Variants in SMC5 observed in about 807,000 individuals in gnomAD.
SMC5 encodes structural maintenance of chromosomes 5, also known as structural maintenance of chromosomes protein 5.
A neutral mutation model predicts 148.3 loss-of-function variants in SMC5; 88 were observed. The ratio of observed to expected loss-of-function variants is 0.59; its 90% CI spans 0.50 to 0.71. The LOEUF is 0.71. Among genes scored for constraint, SMC5 ranks in the 30% least tolerant of loss-of-function variants. The pLI, the probability that SMC5 is intolerant of heterozygous loss-of-function variation, is 0.00. For synonymous variants in SMC5, 421 were observed against 432.8 expected (o/e 0.97, Z 0.34); for missense variants, 1,142 against 1,298.9 (o/e 0.88, Z 1.86).
intron 11 of SMC5, among the ~76,000 whole-genome samples, chr9:70,307,615 G>C (rs1380316886): frequency 1.3e-5 from 2 of 151,958 alleles, no homozygotes; most frequent in African/African-American, 4.8e-5. Context: ...CAATTCCCCT[G>C]CCTCAGCTTC....
chr9:70,341,277 GTCTT>G (rs1425419755), intron 17 of SMC5, among the ~76,000 whole-genome samples: 2 of 152,114 alleles, frequency 1.3e-5, no homozygotes, highest in African/African-American at 2.4e-5. Flanking sequence ...ATGAGGTTTT[GTCTT>G]TCTAAGTCCA....
chr9:70,278,560 C>T lies in SMC5; in HGVS notation c.613C>T (p.Pro205Ser). Residue 205 changes from proline to serine, a missense_variant, in exon 5 of 25, where the codon CCC becomes TCC. Pro to Ser is a moderately conservative substitution (Grantham distance 74, BLOSUM62 -1). Around this residue, in one of 5 missense-constraint regions of SMC5, gnomAD observed 297 missense variants for 302.6 expected, o/e 0.98. Coordinates refer to ENST00000361138, the MANE Select transcript of SMC5 (RefSeq NM_015110.4). ...CGAAGCCACTGAAAAGTCAATTGGT[C>T]CCCCAGAAATGCACAAATATCACTG... Reference protein sequence around the residue: ...LLEATEKSIGPPEMHKYHCEL... With the variant: ...LLEATEKSIGSPEMHKYHCEL... 1.9e-6 allele frequency: 3 copies of T among 1,611,180 alleles called. No homozygotes were observed. Among genetic ancestry groups the T allele is most frequent in the Non-Finnish European group, 2.5e-6 (3 of 1,178,874 alleles).
In SMC5 at chr9:70,339,954, A is replaced by G. The variant is rs886260663; in HGVS notation, c.2398-4190A>G. Among the ~76,000 whole-genome samples the G allele has an allele frequency of 4.6e-5, 7 of 151,784 alleles. 1 individual carries two copies. The highest frequency in any genetic ancestry group is 8.8e-5 in the Non-Finnish European group (6 of 67,962). On this transcript the variant is annotated intron_variant, in intron 17 of 24. Coordinates refer to ENST00000361138, the MANE Select transcript of SMC5 (RefSeq NM_015110.4). ...CAGAGGTCGATAAAAATTTCTTGTT[A>G]TTTCGTTTTTGACCATGGGCAGGTT...
At chr9:70,271,694 T>G (rs1252713663) in intron 3 of SMC5, among the ~76,000 whole-genome samples, 1 of 152,130 alleles carries the variant, frequency 6.6e-6, no homozygotes, top group Non-Finnish European at 1.5e-5. Flanking sequence ...TTTTACAGTT[T>G]TAAATAACCT....
intron 15 of SMC5, among the ~76,000 whole-genome samples, chr9:70,319,855 A>G (rs752533924): frequency 2.0e-4 from 31 of 152,240 alleles, no homozygotes; most frequent in Non-Finnish European, 4.1e-4. Context: ...AAAAGATCAC[A>G]TTGATCACTG....
intron 7 of SMC5, among the ~76,000 whole-genome samples, chr9:70,283,228 C>G (rs2034800708): frequency 6.6e-6 from 1 of 152,160 alleles, no homozygotes; most frequent in East Asian, 1.9e-4. Context: ...CTTTGGGAGG[C>G]TGAGGCGGGC....
intron 3 of SMC5, among the ~76,000 whole-genome samples, chr9:70,274,066 C>A (rs2034520623): frequency 1.3e-5 from 2 of 152,194 alleles, no homozygotes; most frequent in African/African-American, 4.8e-5. Flanking sequence ...TTATGTATTT[C>A]TAGGACATTA....
intron 17 of SMC5, among the ~76,000 whole-genome samples, chr9:70,333,239 C>T (rs187658675): frequency 3.3e-5 from 5 of 152,264 alleles, no homozygotes; most frequent in Non-Finnish European, 7.4e-5. Flanking sequence ...AAATTCATTG[C>T]GGCCCCACCT....
At chr9:70,349,521 A>G (rs1395923093) in intron 22 of SMC5, among the ~76,000 whole-genome samples, 2 of 152,226 alleles carry the variant, frequency 1.3e-5, no homozygotes, top group Non-Finnish European at 2.9e-5. Flanking sequence ...TTGAGCACCT[A>G]TTACGTGCCA....
At chr9:70,326,615 T>C (rs1190061006) in intron 17 of SMC5, among the ~76,000 whole-genome samples, 1 of 144,314 alleles carries the variant, frequency 6.9e-6, no homozygotes, top group Non-Finnish European at 1.5e-5. Context: ...TTTTTTTTAA[T>C]TTTTTTTTTT....
At chr9:70,315,394 T>A (rs1468616270) in intron 12 of SMC5, 52 bp from the exon 13 acceptor site, 13 of 1,370,000 alleles carry the variant, frequency 9.5e-6, no homozygotes, top group Non-Finnish European at 1.3e-5. Context: ...ACTCCCAGAT[T>A]TTTTTAATGA....
At chr9:70,325,204 G>A (rs780948182) in intron 17 of SMC5, among the ~76,000 whole-genome samples, 8 of 152,126 alleles carry the variant, frequency 5.3e-5, no homozygotes, top group Non-Finnish European at 8.8e-5. Flanking sequence ...CATATTCTTA[G>A]CATTAACTCA....
At chr9:70,264,204 G>A (rs2117956957) in intron 1 of SMC5, 100 bp from the exon 2 acceptor site, 1 of 1,014,754 alleles carries the variant, frequency 9.9e-7, no homozygotes, top group Non-Finnish European at 1.4e-6. Flanking sequence ...TGTAAGGTTA[G>A]CTAGTTTTTA....
chr9:70,305,137 T>A (rs2118469314), intron 10 of SMC5, 110 bp from the exon 11 acceptor site: 1 of 561,748 alleles, frequency 1.8e-6, no homozygotes, highest in South Asian at 2.4e-5. Context: ...TTTTTTTATC[T>A]TGTTTTTTCT....
At chr9:70,326,541 T>A (rs1245921229) in intron 17 of SMC5, among the ~76,000 whole-genome samples, 1 of 151,860 alleles carries the variant, frequency 6.6e-6, no homozygotes, top group African/African-American at 2.4e-5. Context: ...TCAGGGAAAG[T>A]GATTACTTTG....
At chr9:70,320,761 T>C (rs1348448889) in intron 15 of SMC5, among the ~76,000 whole-genome samples, 1 of 152,154 alleles carries the variant, frequency 6.6e-6, no homozygotes, top group African/African-American at 2.4e-5. Context: ...ATATATATAC[T>C]TAAGATTTTG....
chr9:70,299,538 A>G (rs558514137), intron 9 of SMC5, among the ~76,000 whole-genome samples: 1 of 151,732 alleles, frequency 6.6e-6, no homozygotes, highest in East Asian at 1.9e-4. Context: ...TCCATGTCTC[A>G]TTTTCTTACA....
rs529242674 is a variant in SMC5, at chr9:70,347,700, A to C, written c.2752A>C (p.Arg918=). ...AAAGAAAGTTGAACTAGATCAATAC[A>C]GGGAAAACATTTCACAGGTAATTTT... is the stretch of plus-strand genomic sequence containing the variant. ...KGKKVELDQY[R]ENISQVKERW... Residue 918 remains arginine (R), a synonymous_variant, in exon 21 of 25, where the codon AGG becomes CGG. Transcript: ENST00000361138. 1.9e-5 allele frequency: 30 copies of C among 1,561,694 alleles called. No individual in the cohort carries two copies. The South Asian group carries it at 3.2e-4, about 17-fold the overall frequency.
At chr9:70,281,061 G>A (rs867753380) in intron 6 of SMC5, among the ~76,000 whole-genome samples, 162 bp downstream of exon 6, 2 of 149,832 alleles carry the variant, frequency 1.3e-5, no homozygotes, top group East Asian at 1.9e-4. Flanking sequence ...TTTTTGAGAC[G>A]GAGTCTTGCT....
Sources: gnomAD v4.1 joint callset for allele counts (sites outside exome capture counted in the v4.1 genomes callset) on GRCh38, gnomAD v4.1.1 for gene constraint, gnomAD v4.1.1 regional missense constraint, MANE v1.5 for transcripts, NCBI Gene and HGNC (gene_info 2026-07-23, HGNC 2026-07-21) for gene names.